Variants in CACNB4 observed in about 807,000 individuals in gnomAD.
CACNB4 encodes the protein voltage-dependent L-type calcium channel subunit beta-4.
A neutral mutation model predicts 71.2 loss-of-function variants in CACNB4; 32 were observed. That is an observed-to-expected ratio of 0.45 (90% confidence interval 0.34 to 0.60). The LOEUF is 0.60. Among genes scored for constraint, CACNB4 ranks in the 20% least tolerant of loss-of-function variants. The pLI, the probability that CACNB4 is intolerant of heterozygous loss-of-function variation, is 0.01. For missense variants in CACNB4, 464 were observed against 647.9 expected (o/e 0.72, Z 3.08); for synonymous variants, 231 against 236.9 (o/e 0.97, Z 0.23).
In CACNB4 at chr2:151,883,363, G is replaced by A. The variant is rs1559929248; in HGVS notation, c.155C>T (p.Ala52Val). Residue 52 changes from alanine (A) to valine (V), a missense_variant, in exon 3 of 14, where the codon GCG becomes GTG. Around this residue, in one of 3 missense-constraint regions of CACNB4, gnomAD observed 299 missense variants for 471.7 expected, o/e 0.63. Coordinates refer to ENST00000539935, the MANE Select transcript of CACNB4 (RefSeq NM_000726.5). ...AGACGGCCTGCTTGTGTAGGAATCC[G>A]CTGAACCCTGGCAAAGAAAATAGAA... ...STSFILRQGS[A>V]DSYTSRPSDS... 4 of 1,613,746 alleles carry A rather than the reference G, an allele frequency of 2.5e-6. No homozygotes were observed. The highest frequency in any genetic ancestry group is 4.5e-5 in the East Asian group (2 of 44,878).
At chr2:152,021,071 T>C (rs1167196889) in intron 2 of CACNB4, among the ~76,000 whole-genome samples, 1 of 152,052 alleles carries the variant, frequency 6.6e-6, no homozygotes, top group African/African-American at 2.4e-5. Flanking sequence ...GCCAACGTGG[T>C]GAAACCCCGT....
intron 2 of CACNB4, among the ~76,000 whole-genome samples, chr2:151,925,682 A>G: frequency 9.7e-6 from 1 of 103,484 alleles, no homozygotes; most frequent in African/African-American, 3.8e-5. Flanking sequence ...GGGATAGAAA[A>G]GAGGAGCAGG....
chr2:151,869,317 G>GAAGGGTACTATGAGCC, intron 8 of CACNB4, 82 bp from the exon 9 acceptor site: 1 of 825,532 alleles, frequency 1.2e-6, no homozygotes, highest in Non-Finnish European at 2.0e-6. Context: ...AGGAGGGAGG[G>GAAGGGTACTATGAGCC]AAGGGTACTA....
At chr2:151,911,861 A>C (rs1013022776) in intron 2 of CACNB4, among the ~76,000 whole-genome samples, 5 of 151,612 alleles carry the variant, frequency 3.3e-5, no homozygotes, top group Admixed American at 3.3e-4. Flanking sequence ...TTATTGGTCT[A>C]TTCAGGGATT....
intron 4 of CACNB4, among the ~76,000 whole-genome samples, chr2:151,876,764 C>G (rs1296169501): frequency 2.3e-3 from 142 of 60,752 alleles, no homozygotes; most frequent in Admixed American, 5.2e-3. Context: ...TGTGTGTATA[C>G]TATATTTTAT....
chr2:152,068,502 A>G (rs1421337947), intron 2 of CACNB4, among the ~76,000 whole-genome samples: 2 of 152,184 alleles, frequency 1.3e-5, no homozygotes, highest in East Asian at 3.9e-4. Context: ...GATCATCGGG[A>G]GTGGTTTTAG....
chr2:151,866,150 T>G (rs1339207249), intron 9 of CACNB4: 1 of 152,184 alleles, frequency 6.6e-6, no homozygotes, highest in African/African-American at 2.4e-5. Flanking sequence ...GCAATAAAAT[T>G]GTATAATAAG....
At chr2:151,951,776 T>C (rs2099866963) in intron 2 of CACNB4, among the ~76,000 whole-genome samples, 3 of 152,356 alleles carry the variant, frequency 2.0e-5, no homozygotes, top group South Asian at 4.1e-4. Flanking sequence ...ACGAGGAAGC[T>C]GGAGTCCTCT....
At chr2:152,006,245 A>T (rs1029728513) in intron 2 of CACNB4, among the ~76,000 whole-genome samples, 8 of 152,174 alleles carry the variant, frequency 5.3e-5, no homozygotes, top group African/African-American at 1.9e-4. Context: ...TGAATGTCTC[A>T]GGTGGGATGT....
chr2:151,983,613 A>G lies in CACNB4; in HGVS notation c.148-100243T>C, dbSNP rs565911545. Among the ~76,000 whole-genome samples the G allele has an allele frequency of 2.1e-4, 31 of 150,456 alleles. No individual in the cohort carries two copies. The East Asian group carries it at 5.1e-3, about 25-fold the overall frequency. On this transcript the variant is annotated intron_variant, in intron 2 of 13. Transcript: ENST00000539935. ...GAGGAGAATGTAAAAAAAATCAAGGACCTCTTATATTTGTAGGTATGTCTC... is the reference window on the plus strand; with the variant it reads ...GAGGAGAATGTAAAAAAAATCAAGGGCCTCTTATATTTGTAGGTATGTCTC...
chr2:151,911,251 A>T (rs770420384), intron 2 of CACNB4, among the ~76,000 whole-genome samples: 6 of 152,162 alleles, frequency 3.9e-5, no homozygotes, highest in South Asian at 2.1e-4. Flanking sequence ...CTGTGAACAG[A>T]CACAACTTGA....
At chr2:151,891,003 T>C (rs1578664742) in intron 2 of CACNB4, among the ~76,000 whole-genome samples, 3 of 152,312 alleles carry the variant, frequency 2.0e-5, no homozygotes, top group Admixed American at 2.0e-4. Context: ...TGTAATTAAA[T>C]TATAACTATA....
At chr2:152,052,084 CATTGAAAATACCATAA>C (rs143939890) in intron 2 of CACNB4, among the ~76,000 whole-genome samples, 7,507 of 152,262 alleles carry the variant, frequency 0.049, 611 homozygotes, top group African/African-American at 0.17. Flanking sequence ...GGTTACATCC[CATTGAAAATACCATAA>C]ATTGAAATTG....
intron 2 of CACNB4, among the ~76,000 whole-genome samples, chr2:152,007,804 C>T (rs1452476524): frequency 1.3e-5 from 2 of 151,168 alleles, no homozygotes; most frequent in Non-Finnish European, 2.9e-5. Context: ...CGGAGTCTCG[C>T]TCTGTCACCC....
intron 2 of CACNB4, among the ~76,000 whole-genome samples, chr2:152,089,696 C>A (rs918778012): frequency 6.6e-6 from 1 of 151,814 alleles, no homozygotes; most frequent in African/African-American, 2.4e-5. Flanking sequence ...CTTTGGGAGG[C>A]TGAGGTGAAA....
intron 2 of CACNB4, among the ~76,000 whole-genome samples, chr2:151,917,856 C>T (rs1170530781): frequency 8.8e-6 from 1 of 113,422 alleles, no homozygotes; most frequent in Non-Finnish European, 1.9e-5. Flanking sequence ...AAAAAAAGAA[C>T]ATTTCTGAAA....
chr2:151,840,767 T>C (rs2099835995), intron 13 of CACNB4, among the ~76,000 whole-genome samples: 1 of 152,244 alleles, frequency 6.6e-6, no homozygotes, highest in Admixed American at 6.5e-5. Flanking sequence ...GAGTTAACTC[T>C]GTATGATCGA....
intron 12 of CACNB4, among the ~76,000 whole-genome samples, chr2:151,845,209 A>G (rs547310018): frequency 5.3e-5 from 8 of 152,368 alleles, no homozygotes; most frequent in Non-Finnish European, 1.2e-4. Flanking sequence ...TGTATATATC[A>G]GCACATGGTA....
chr2:151,873,079 C>T (rs980480427), intron 5 of CACNB4: 1 of 152,158 alleles, frequency 6.6e-6, no homozygotes, highest in East Asian at 1.9e-4. Context: ...ATGACTGTAA[C>T]AATTAAGAAA....
Sources: gnomAD v4.1 joint callset for allele counts (sites outside exome capture counted in the v4.1 genomes callset) on GRCh38, gnomAD v4.1.1 for gene constraint, gnomAD v4.1.1 regional missense constraint, MANE v1.5 for transcripts, NCBI Gene and HGNC (gene_info 2026-07-23, HGNC 2026-07-21) for gene names.